KCNH8: variants seen among roughly 807,000 people sequenced by gnomAD.
KCNH8 encodes the protein potassium voltage-gated channel subfamily H member 8, also known as voltage-gated delayed rectifier potassium channel KCNH8.
In KCNH8, 70 loss-of-function variants were observed where a neutral mutation model predicts 103.6. The ratio of observed to expected loss-of-function variants is 0.68; its 90% CI spans 0.56 to 0.82. The LOEUF is 0.82. Among genes scored for constraint, KCNH8 ranks in the 40% least tolerant of loss-of-function variants. The pLI is 0.00. For synonymous variants in KCNH8, 498 were observed against 489.4 expected (o/e 1.02, Z -0.23); for missense variants, 1,217 against 1,329.9 (o/e 0.92, Z 1.32).
intron 1 of KCNH8, among the ~76,000 whole-genome samples, chr3:19,205,608 A>G (rs2063706956): frequency 6.6e-6 from 1 of 152,040 alleles, no homozygotes; most frequent in African/African-American, 2.4e-5. Context: ...AAACATGCTC[A>G]GTGTACTACA....
At chr3:19,397,474 C>A (rs948014885) in intron 7 of KCNH8, among the ~76,000 whole-genome samples, 2 of 151,090 alleles carry the variant, frequency 1.3e-5, no homozygotes, top group African/African-American at 4.9e-5. Context: ...AAACAAACCC[C>A]AAAATGTGCT....
chr3:19,280,122 T>G (rs1355109113), intron 2 of KCNH8, among the ~76,000 whole-genome samples: 1 of 152,110 alleles, frequency 6.6e-6, no homozygotes, highest in Non-Finnish European at 1.5e-5. Context: ...CAAGATTTTT[T>G]TACATATTTC....
chr3:19,258,204 G>A (rs1209410421), intron 2 of KCNH8, among the ~76,000 whole-genome samples: 2 of 152,014 alleles, frequency 1.3e-5, no homozygotes, highest in African/African-American at 4.8e-5. Context: ...AAAACATCTA[G>A]TTACATTTAT....
intron 3 of KCNH8, among the ~76,000 whole-genome samples, chr3:19,300,260 AAG>A (rs1559466337): frequency 1.0e-5 from 1 of 97,532 alleles, no homozygotes. Flanking sequence ...AAAAAAAAAA[AAG>A]AAAGAAAGAA....
chr3:19,362,430 A>C (rs1472085503), intron 5 of KCNH8, among the ~76,000 whole-genome samples: 1 of 151,984 alleles, frequency 6.6e-6, no homozygotes, highest in East Asian at 1.9e-4. Context: ...CTCAGCTTCA[A>C]CTCCCAGTCT....
In KCNH8 at chr3:19,450,266, A is replaced by G. The variant is rs1202019711; in HGVS notation, c.1536A>G (p.Gln512=). ...QLKQRMLEYF[Q]TTWSVNNGID... The stretch of plus-strand genomic sequence containing the variant: ...AGCAGAGGATGCTCGAATATTTTCA[A>G]ACAACCTGGTCAGTCAACAATGGAA... The change falls in exon 9 of 16, where the codon CAA becomes CAG. Residue 512 remains glutamine, a synonymous_variant. Coordinates refer to ENST00000328405, the MANE Select transcript of KCNH8 (RefSeq NM_144633.3). 5 of 1,613,598 alleles carry G rather than the reference A, an allele frequency of 3.1e-6. No individual in the cohort carries two copies. Among genetic ancestry groups the G allele is most frequent in the South Asian group, 2.2e-5 (2 of 91,088 alleles).
intron 1 of KCNH8, among the ~76,000 whole-genome samples, chr3:19,206,168 G>GTGTGTGTGTGTGTGTGTGTGTATA (rs979868166): frequency 7.2e-6 from 1 of 139,262 alleles, no homozygotes; most frequent in African/African-American, 2.9e-5. Context: ...TGGTGTGTGT[G>GTGTGTGTGTGTGTGTGTGTGTATA]TATATATATA....
At chr3:19,197,308 G>C (rs1016748483) in intron 1 of KCNH8, among the ~76,000 whole-genome samples, 1 of 151,750 alleles carries the variant, frequency 6.6e-6, no homozygotes, top group Non-Finnish European at 1.5e-5. Flanking sequence ...TGTTTTCTCG[G>C]ATTTAGTTTT....
Position 19,167,293 on chromosome 3 carries a change from A to T in KCNH8, c.76+18498A>T, listed in dbSNP as rs2063294927. Among the ~76,000 whole-genome samples the T allele has an allele frequency of 2.0e-5, 3 of 152,202 alleles. No homozygotes were observed. The South Asian group carries it at 6.2e-4, about 31-fold the overall frequency. On this transcript the variant is annotated intron_variant, in intron 1 of 15. Transcript: ENST00000328405. ...GAATTGAAAAGATTTAAATAATTGA[A>T]ATCTCATAGGCATTGAAGCAATGTT...
chr3:19,498,600 C>A (rs991521506), intron 11 of KCNH8, among the ~76,000 whole-genome samples: 1 of 152,218 alleles, frequency 6.6e-6, no homozygotes, highest in African/African-American at 2.4e-5. Context: ...ATTCTCCATC[C>A]AGCTTTCTTC....
intron 7 of KCNH8, among the ~76,000 whole-genome samples, chr3:19,417,362 T>G (rs2066880016): frequency 6.6e-6 from 1 of 151,646 alleles, no homozygotes; most frequent in Non-Finnish European, 1.5e-5. Flanking sequence ...CCAGTGCGAT[T>G]TTGTTATATA....
chr3:19,312,128 C>T (rs998856080), intron 3 of KCNH8, among the ~76,000 whole-genome samples: 1 of 151,904 alleles, frequency 6.6e-6, no homozygotes, highest in Non-Finnish European at 1.5e-5. Flanking sequence ...GCCAAGTATA[C>T]TGCAGCTTAC....
intron 1 of KCNH8, among the ~76,000 whole-genome samples, chr3:19,157,979 A>G (rs1006824065): frequency 2.6e-5 from 4 of 151,656 alleles, no homozygotes; most frequent in Admixed American, 1.3e-4. Flanking sequence ...TCATACTTAG[A>G]GAGGCATTCC....
chr3:19,151,271 GA>G (rs1486696689), intron 1 of KCNH8, among the ~76,000 whole-genome samples: 1 of 151,888 alleles, frequency 6.6e-6, no homozygotes, highest in African/African-American at 2.4e-5. Context: ...TCTTTTGCAA[GA>G]GAAAACTATT....
At chr3:19,195,150 C>A (rs903697241) in intron 1 of KCNH8, among the ~76,000 whole-genome samples, 6 of 151,808 alleles carry the variant, frequency 4.0e-5, no homozygotes, top group Non-Finnish European at 7.4e-5. Flanking sequence ...ACCTCTTTTG[C>A]CAGCTTGAGG....
intron 3 of KCNH8, among the ~76,000 whole-genome samples, chr3:19,328,133 A>G (rs1323648043): frequency 2.0e-5 from 3 of 152,088 alleles, no homozygotes; most frequent in African/African-American, 4.8e-5. Flanking sequence ...CTTACTGATA[A>G]TGTTCAAAAA....
intron 11 of KCNH8, among the ~76,000 whole-genome samples, chr3:19,499,138 G>A (rs537744995): frequency 3.9e-5 from 6 of 152,284 alleles, no homozygotes; most frequent in South Asian, 2.1e-4. Flanking sequence ...AACTACGTGA[G>A]GAATGCAGAA....
At chr3:19,364,574 T>C (rs999720271) in intron 5 of KCNH8, among the ~76,000 whole-genome samples, 24 of 152,088 alleles carry the variant, frequency 1.6e-4, no homozygotes, top group Non-Finnish European at 3.4e-4. Context: ...TATATAGCAA[T>C]AATTATACAA....
chr3:19,365,557 A>G (rs1021924587), intron 5 of KCNH8, among the ~76,000 whole-genome samples: 1 of 152,072 alleles, frequency 6.6e-6, no homozygotes, highest in African/African-American at 2.4e-5. Flanking sequence ...TAAATATAAA[A>G]ATCGTAATGA....
Sources: allele counts gnomAD v4.1 joint callset (sites outside exome capture counted in the v4.1 genomes callset), GRCh38; gene constraint gnomAD v4.1.1; transcripts MANE v1.5; gene names NCBI Gene and HGNC (gene_info 2026-07-23, HGNC 2026-07-21).